The following DGKB variants were observed in gnomAD, a reference collection of about 807,000 sequenced individuals.
DGKB encodes the protein 90 kDa diacylglycerol kinase.
A neutral mutation model predicts 114.3 loss-of-function variants in DGKB; 67 were observed. The ratio of observed to expected loss-of-function variants is 0.59; its 90% CI spans 0.48 to 0.72. The LOEUF (loss-of-function observed/expected upper bound fraction) is 0.72. Ranked by LOEUF, DGKB falls within the 30% of genes least tolerant of loss-of-function variation. The probability of loss-of-function intolerance (pLI) is 0.00; values close to 1 mark genes in which losing one functional copy is unlikely to be tolerated. For missense variants in DGKB, 907 were observed against 975.2 expected, an observed-to-expected ratio of 0.93 and a Z score of 0.93; for synonymous variants, 398 against 323.1, an observed-to-expected ratio of 1.23 and a Z score of -2.49.
chr7:14,617,172 C>T (rs925219860), intron 15 of DGKB, among the ~76,000 whole-genome samples: 6 of 151,722 alleles, frequency 4.0e-5, no homozygotes, highest in African/African-American at 1.4e-4. Context: ...TTCATGTCTG[C>T]CTTTTCTTCT....
intron 1 of DGKB, among the ~76,000 whole-genome samples, chr7:14,912,970 G>A (rs915122388): frequency 1.5e-4 from 23 of 151,814 alleles, no homozygotes; most frequent in Non-Finnish European, 2.5e-4. Flanking sequence ...ATTTCTTTCC[G>A]ATTTTGTGGT....
chr7:14,291,994 T>C (rs946648017), intron 23 of DGKB, among the ~76,000 whole-genome samples: 1 of 152,078 alleles, frequency 6.6e-6, no homozygotes, highest in Non-Finnish European at 1.5e-5. Context: ...AATTTTTTTT[T>C]CACAAAAAAG....
intron 1 of DGKB, among the ~76,000 whole-genome samples, chr7:14,883,122 TG>T (rs1243864832): frequency 6.6e-5 from 10 of 151,908 alleles, no homozygotes; most frequent in Non-Finnish European, 1.5e-4. Context: ...GTGGAGTACT[TG>T]GTTGTAATCA....
chr7:14,463,439 A>G (rs952374673), intron 21 of DGKB, among the ~76,000 whole-genome samples: 1 of 151,952 alleles, frequency 6.6e-6, no homozygotes, highest in Admixed American at 6.6e-5. Flanking sequence ...ATCAGGTTTT[A>G]TGCAAAACCT....
intron 1 of DGKB, among the ~76,000 whole-genome samples, chr7:14,879,011 G>A (rs1853799670): frequency 6.6e-6 from 1 of 151,600 alleles, no homozygotes; most frequent in Non-Finnish European, 1.5e-5. Context: ...GTTATATTTT[G>A]GTGCTCAAAA....
chr7:14,806,691 A>G (rs536825531), intron 2 of DGKB, among the ~76,000 whole-genome samples: 1 of 152,148 alleles, frequency 6.6e-6, no homozygotes, highest in African/African-American at 2.4e-5. Context: ...TTCTTTTTCT[A>G]GACAATGAAT....
intron 20 of DGKB, among the ~76,000 whole-genome samples, chr7:14,505,927 AT>A (rs761515214): frequency 2.6e-5 from 4 of 152,142 alleles, no homozygotes; most frequent in Non-Finnish European, 5.9e-5. Flanking sequence ...GTAATAAAAA[AT>A]GTTCTCATTT....
chr7:14,465,298 A>G (rs960590468), intron 21 of DGKB, among the ~76,000 whole-genome samples: 6 of 150,334 alleles, frequency 4.0e-5, no homozygotes, highest in African/African-American at 1.5e-4. Flanking sequence ...ACTATAATAA[A>G]TATTTCTCAA....
At chr7:14,574,515 A>G in intron 19 of DGKB, 143 bp from the exon 20 acceptor site, 1 of 673,622 alleles carries the variant, frequency 1.5e-6, no homozygotes, top group Non-Finnish European at 2.5e-6. Context: ...CAAATGAAGA[A>G]TTAATTATAA....
At chr7:14,254,059 G>A (rs1160182888) in intron 23 of DGKB, among the ~76,000 whole-genome samples, 4 of 152,144 alleles carry the variant, frequency 2.6e-5, no homozygotes, top group South Asian at 2.1e-4. Flanking sequence ...TTGTGAAGAC[G>A]AAGAGAAAGA....
At chr7:14,493,820 G>T (rs1346063332) in intron 20 of DGKB, among the ~76,000 whole-genome samples, 1 of 151,650 alleles carries the variant, frequency 6.6e-6, no homozygotes, top group Non-Finnish European at 1.5e-5. Flanking sequence ...CAGATAAAGG[G>T]GACTACTGTA....
At chr7:14,410,569 G>A (rs554563617) in intron 21 of DGKB, among the ~76,000 whole-genome samples, 1 of 151,980 alleles carries the variant, frequency 6.6e-6, no homozygotes, top group South Asian at 2.1e-4. Context: ...GTCAAATCTT[G>A]TATATGACAA....
intron 2 of DGKB, among the ~76,000 whole-genome samples, chr7:14,815,484 T>C (rs1229814789): frequency 6.6e-6 from 1 of 152,240 alleles, no homozygotes; most frequent in Admixed American, 6.5e-5. Context: ...GAGATACAGG[T>C]TGCCCCATTT....
intron 2 of DGKB, among the ~76,000 whole-genome samples, chr7:14,759,631 A>G (rs899198872): frequency 6.6e-6 from 1 of 152,208 alleles, no homozygotes; most frequent in Non-Finnish European, 1.5e-5. Flanking sequence ...TATAATGAAT[A>G]TACTCCATTT....
At chr7:14,956,816 G>C (rs1001391307) in intron 1 of DGKB, among the ~76,000 whole-genome samples, 6 of 152,038 alleles carry the variant, frequency 3.9e-5, no homozygotes, top group Non-Finnish European at 5.9e-5. Flanking sequence ...GTTTGTATCT[G>C]AAGTGTGATA....
chr7:14,821,762 A>G (rs914493610), intron 2 of DGKB, among the ~76,000 whole-genome samples: 1 of 152,088 alleles, frequency 6.6e-6, no homozygotes, highest in African/African-American at 2.4e-5. Context: ...TTTTTCAAGG[A>G]ATTTATTGGC....
intron 21 of DGKB, among the ~76,000 whole-genome samples, chr7:14,410,420 A>G (rs1824673463): frequency 6.6e-6 from 1 of 152,026 alleles, no homozygotes; most frequent in Admixed American, 6.6e-5. Context: ...TCCTATCTCT[A>G]AGACATTTTT....
At chr7:14,632,525 A>G (rs1809924311) in intron 13 of DGKB, among the ~76,000 whole-genome samples, 1 of 151,898 alleles carries the variant, frequency 6.6e-6, no homozygotes, top group South Asian at 2.1e-4. Flanking sequence ...ATATTTTCTA[A>G]TAAAATTTGA....
chr7:14,260,389 GA>G (rs1295220162), intron 23 of DGKB, among the ~76,000 whole-genome samples: 1 of 152,112 alleles, frequency 6.6e-6, no homozygotes, highest in Non-Finnish European at 1.5e-5. Context: ...AAGAAAAAGT[GA>G]AACAAATTAC....
Sources: gnomAD v4.1 joint callset for allele counts (sites outside exome capture counted in the v4.1 genomes callset) on GRCh38, gnomAD v4.1.1 for gene constraint, MANE v1.5 for transcripts, NCBI Gene and HGNC (gene_info 2026-07-23, HGNC 2026-07-21) for gene names.